The following TAFA2 variants were observed in gnomAD, a reference collection of about 807,000 sequenced individuals.
The protein encoded by TAFA2 is TAFA chemokine like family member 2.
In TAFA2, 7 loss-of-function variants were observed where a neutral mutation model predicts 18.8. The ratio of observed to expected loss-of-function variants is 0.37; its 90% CI spans 0.21 to 0.70. The LOEUF is 0.70. TAFA2 is among the 30% of genes least tolerant of loss of function. The pLI, the probability that TAFA2 is intolerant of heterozygous loss-of-function variation, is 0.53. For synonymous variants in TAFA2, 60 were observed against 54.2 expected (o/e 1.11, Z -0.47); for missense variants, 122 against 158.1 (o/e 0.77, Z 1.23).
rs114634729 is a variant in TAFA2 at position 61,963,339 on chromosome 12, A to T, written c.-1-95913T>A. ...GGTTGAAAAGCATTCCTGTTTCGCC[A>T]CATCCTCTCCATCATCTGTCGTTTC... is the stretch of plus-strand genomic sequence containing the variant. On this transcript the variant is annotated intron_variant, in intron 1 of 4. Transcript: ENST00000416284. Among the ~76,000 whole-genome samples, 1,322 of 152,136 alleles carry T rather than the reference A, an allele frequency of 8.7e-3. 7 individuals carry two copies. The highest frequency in any genetic ancestry group is 0.029 in the African/African-American group (1,219 of 41,546).
At chr12:62,153,921 A>ATTATGTTATGTTATG (rs60466452) in intron 1 of TAFA2, among the ~76,000 whole-genome samples, 13,867 of 123,926 alleles carry the variant, frequency 0.11, 1,066 homozygotes, top group African/African-American at 0.14. Flanking sequence ...ACATAACAAA[A>ATTATGTTATGTTATG]TTATGTTATG....
intron 4 of TAFA2, among the ~76,000 whole-genome samples, chr12:61,712,179 A>G (rs1869442024): frequency 6.6e-6 from 1 of 152,128 alleles, no homozygotes; most frequent in Admixed American, 6.6e-5. Flanking sequence ...GCGGAAATGA[A>G]CTGCATAAAT....
At chr12:62,061,827 G>A (rs1203217163) in intron 1 of TAFA2, among the ~76,000 whole-genome samples, 1 of 152,068 alleles carries the variant, frequency 6.6e-6, no homozygotes, top group Non-Finnish European at 1.5e-5. Flanking sequence ...TACTTTTGAA[G>A]ACATATTAGT....
intron 1 of TAFA2, among the ~76,000 whole-genome samples, chr12:62,206,340 T>G (rs1005209205): frequency 3.3e-5 from 5 of 152,238 alleles, no homozygotes; most frequent in Non-Finnish European, 7.3e-5. Flanking sequence ...GTGTAATTAA[T>G]GTAATCTCTC....
intron 1 of TAFA2, among the ~76,000 whole-genome samples, chr12:62,218,678 G>T (rs1047723630): frequency 1.2e-4 from 18 of 152,078 alleles, no homozygotes; most frequent in African/African-American, 4.1e-4. Context: ...TTAAATCTAT[G>T]AATGAAATAG....
chr12:61,782,519 C>A (rs1382239121), intron 2 of TAFA2, among the ~76,000 whole-genome samples: 2 of 151,614 alleles, frequency 1.3e-5, no homozygotes, highest in Non-Finnish European at 3.0e-5. Flanking sequence ...CTTTTGTCTC[C>A]CCAAAATGTT....
chr12:62,177,994 G>A (rs535582151), intron 1 of TAFA2, among the ~76,000 whole-genome samples: 3 of 152,222 alleles, frequency 2.0e-5, no homozygotes, highest in East Asian at 3.9e-4. Flanking sequence ...AATATCAGAG[G>A]AGGGTAAGCC....
In TAFA2 at chr12:61,829,593, C is replaced by A. The variant is rs144532081; in HGVS notation, c.106+37727G>T. ...CACATCAGAAAATGATTTAAAACAGCCAAAAAGTTAAATATATGACAGCAT... is the reference window on the plus strand; with the variant it reads ...CACATCAGAAAATGATTTAAAACAGACAAAAAGTTAAATATATGACAGCAT... On this transcript the variant is annotated intron_variant, in intron 2 of 4. Transcript: ENST00000416284. Among the ~76,000 whole-genome samples the A allele has an allele frequency of 4.5e-3, 675 of 150,494 alleles. 5 individuals are homozygous for A. The highest frequency in any genetic ancestry group is 0.014 in the African/African-American group (595 of 41,096).
chr12:61,798,751 A>T lies in TAFA2; in HGVS notation c.107-43727T>A, dbSNP rs1164303098. Among the ~76,000 whole-genome samples the T allele has an allele frequency of 2.0e-5, 3 of 152,264 alleles. 1 individual carries two copies. Among genetic ancestry groups the T allele is most frequent in the Non-Finnish European group, 4.4e-5 (3 of 68,046 alleles). ...CAATAGGACAACTATCAAAATGCAA[A>T]GTTCTCTCATACTTACATATTACAT... On this transcript the variant is annotated intron_variant, in intron 2 of 4. Transcript: ENST00000416284.
At chr12:61,971,445 A>G (rs2136665320) in intron 1 of TAFA2, among the ~76,000 whole-genome samples, 1 of 151,910 alleles carries the variant, frequency 6.6e-6, no homozygotes. Context: ...TATGTAACAA[A>G]TCTGCACGTT....
chr12:62,090,422 T>C lies in TAFA2; in HGVS notation c.-2+100837A>G, dbSNP rs533429524. ...AAATTAAAGAAAAATGTTTCTACTTTAGAAAAATAGGAGCATTTTTTACTG... is the reference window on the plus strand; with the variant it reads ...AAATTAAAGAAAAATGTTTCTACTTCAGAAAAATAGGAGCATTTTTTACTG... On this transcript the variant is annotated intron_variant, in intron 1 of 4. Coordinates refer to ENST00000416284, the MANE Select transcript of TAFA2 (RefSeq NM_178539.5). Among the ~76,000 whole-genome samples, 3 of 152,228 alleles carry C rather than the reference T, an allele frequency of 2.0e-5. No homozygotes were observed. In the East Asian group the frequency reaches 5.8e-4, roughly 29 times the overall value.
chr12:62,027,358 T>C (rs138333347), intron 1 of TAFA2, among the ~76,000 whole-genome samples: 10 of 152,300 alleles, frequency 6.6e-5, no homozygotes, highest in African/African-American at 2.4e-4. Flanking sequence ...GTATTGATCA[T>C]GGGAAAGTGG....
intron 1 of TAFA2, among the ~76,000 whole-genome samples, chr12:62,244,722 C>A (rs894021375): frequency 3.3e-5 from 5 of 152,118 alleles, no homozygotes; most frequent in African/African-American, 9.7e-5. Flanking sequence ...TGTTGCACAA[C>A]CTCATTAACA....
At chr12:61,879,866 G>A (rs1875040876) in intron 1 of TAFA2, 2 of 960,500 alleles carry the variant, frequency 2.1e-6, no homozygotes, top group African/African-American at 1.6e-5. Flanking sequence ...GTACCATGAT[G>A]AGATCAATAA....
At chr12:62,197,172 C>G (rs1371378348), upstream of TAFA2, among the ~76,000 whole-genome samples, 1 of 152,196 alleles carries the variant, frequency 6.6e-6, no homozygotes, top group Non-Finnish European at 1.5e-5. Flanking sequence ...AATTATCCCC[C>G]ACCAACTGTC....
chr12:61,953,787 T>A (rs1354454147), intron 1 of TAFA2, among the ~76,000 whole-genome samples: 1 of 152,150 alleles, frequency 6.6e-6, no homozygotes, highest in Non-Finnish European at 1.5e-5. Context: ...ACATGTCACA[T>A]GTCACACTAA....
intron 2 of TAFA2, among the ~76,000 whole-genome samples, chr12:61,851,646 G>C (rs949689340): frequency 1.3e-5 from 2 of 150,684 alleles, no homozygotes; most frequent in African/African-American, 4.9e-5. Flanking sequence ...GTGGCGGCGG[G>C]GGCCTATAGT....
intron 1 of TAFA2, among the ~76,000 whole-genome samples, chr12:62,116,502 T>C (rs1452766619): frequency 6.6e-6 from 1 of 151,608 alleles, no homozygotes; most frequent in Non-Finnish European, 1.5e-5. Flanking sequence ...GGGATTTATT[T>C]ATTTAACAGT....
intron 1 of TAFA2, among the ~76,000 whole-genome samples, chr12:62,051,223 C>T (rs1025161039): frequency 1.3e-5 from 2 of 152,302 alleles, no homozygotes; most frequent in East Asian, 1.9e-4. Context: ...CTTTGACTAT[C>T]TTCAACCCAG....
Sources: allele counts gnomAD v4.1 joint callset (sites outside exome capture counted in the v4.1 genomes callset), GRCh38; gene constraint gnomAD v4.1.1; transcripts MANE v1.5; gene names NCBI Gene and HGNC (gene_info 2026-07-23, HGNC 2026-07-21).